SEMA3E: variants seen among roughly 807,000 people sequenced by gnomAD.
The protein encoded by SEMA3E is semaphorin-3E.
Under a neutral mutation model 93.6 loss-of-function variants are expected in SEMA3E, and 49 were observed. That is an observed-to-expected ratio of 0.52 (90% CI 0.42 to 0.66). The LOEUF (loss-of-function observed/expected upper bound fraction) is 0.66. Among genes scored for constraint, SEMA3E ranks in the 30% least tolerant of loss-of-function variants. The pLI is 0.00. For missense variants in SEMA3E, 906 were observed against 964.8 expected, an observed-to-expected ratio of 0.94 and a Z score of 0.81; for synonymous variants, 363 against 330.7, an observed-to-expected ratio of 1.10 and a Z score of -1.06.
At chr7:83,501,361 T>C (rs1237597924) in intron 1 of SEMA3E, among the ~76,000 whole-genome samples, 2 of 152,212 alleles carry the variant, frequency 1.3e-5, no homozygotes, top group Admixed American at 6.5e-5. Context: ...TTATCTCAAC[T>C]CAAAAATATC....
chr7:83,601,219 C>G (rs1792988602), intron 1 of SEMA3E, among the ~76,000 whole-genome samples: 1 of 152,132 alleles, frequency 6.6e-6, no homozygotes, highest in African/African-American at 2.4e-5. Context: ...ACCTCCAGAA[C>G]CATCAGATAA....
chr7:83,568,625 A>T (rs1792211927), intron 1 of SEMA3E, among the ~76,000 whole-genome samples: 1 of 152,186 alleles, frequency 6.6e-6, no homozygotes, highest in South Asian at 2.1e-4. Context: ...CACAAAAGCC[A>T]TGCTCATCTC....
At chr7:83,551,426 A>G (rs369094900) in intron 1 of SEMA3E, among the ~76,000 whole-genome samples, 2 of 152,178 alleles carry the variant, frequency 1.3e-5, no homozygotes, top group East Asian at 1.9e-4. Flanking sequence ...TACCAAACCA[A>G]GCAAAATCAA....
intron 4 of SEMA3E, among the ~76,000 whole-genome samples, chr7:83,459,343 A>G (rs944016932): frequency 2.6e-5 from 4 of 152,200 alleles, no homozygotes; most frequent in African/African-American, 9.6e-5. Flanking sequence ...TTCTATAACC[A>G]AGGAAAATTC....
intron 1 of SEMA3E, among the ~76,000 whole-genome samples, chr7:83,529,689 C>T (rs190312824): frequency 5.3e-4 from 80 of 152,188 alleles, no homozygotes; most frequent in South Asian, 1.0e-3. Flanking sequence ...AGACCCTAAC[C>T]AAGTGGCTGG....
At chr7:83,602,097 T>C (rs564809564) in intron 1 of SEMA3E, among the ~76,000 whole-genome samples, 1 of 152,296 alleles carries the variant, frequency 6.6e-6, no homozygotes, top group East Asian at 1.9e-4. Flanking sequence ...CTCTAAGTAG[T>C]GGAGACGATT....
chr7:83,408,414 T>C lies in SEMA3E; in HGVS notation c.624A>G (p.Arg208=), dbSNP rs752823371. The C allele has an allele frequency of 1.2e-6, 2 of 1,613,790 alleles. No homozygotes were observed. The highest frequency in any genetic ancestry group is 1.7e-6 in the Non-Finnish European group (2 of 1,179,832). ...CATGCTCAGTGCGGATATGGGCCAG[T>C]CGCCCCATGCTGCGGAAGATCGCAG... ...RDAAIFRSMG[R]LAHIRTEHDD... is the part of the protein sequence containing the mutation. The change falls in exon 6 of 17, where the codon CGA becomes CGG. Residue 208 remains arginine, a synonymous_variant. Transcript: ENST00000643230.
intron 1 of SEMA3E, among the ~76,000 whole-genome samples, chr7:83,518,370 GA>G (rs904595934): frequency 5.4e-5 from 8 of 148,864 alleles, no homozygotes; most frequent in East Asian, 2.0e-4. Context: ...GTGAGGAAAG[GA>G]AAAAAAAAAT....
At chr7:83,498,745 G>A (rs185783950) in intron 1 of SEMA3E, among the ~76,000 whole-genome samples, 4 of 152,096 alleles carry the variant, frequency 2.6e-5, no homozygotes, top group East Asian at 1.9e-4. Context: ...TCCCAAAGTC[G>A]TGGGATTACA....
intron 5 of SEMA3E, among the ~76,000 whole-genome samples, chr7:83,414,186 A>G (rs1202641190): frequency 1.3e-5 from 2 of 148,486 alleles, no homozygotes; most frequent in Non-Finnish European, 3.0e-5. Flanking sequence ...ACGAGGCAAC[A>G]CATTTGCTTA....
chr7:83,569,563 C>T (rs1792231226), intron 1 of SEMA3E, among the ~76,000 whole-genome samples: 2 of 152,048 alleles, frequency 1.3e-5, no homozygotes, highest in African/African-American at 4.8e-5. Flanking sequence ...AAACAGAAAA[C>T]AAAAGAGAGC....
At chr7:83,495,687 T>C (rs938501123) in intron 1 of SEMA3E, among the ~76,000 whole-genome samples, 1 of 151,860 alleles carries the variant, frequency 6.6e-6, no homozygotes, top group Non-Finnish European at 1.5e-5. Context: ...GAATAGGACA[T>C]CAAAGACGCA....
At chr7:83,519,958 T>G (rs1303362757) in intron 1 of SEMA3E, among the ~76,000 whole-genome samples, 3 of 152,144 alleles carry the variant, frequency 2.0e-5, no homozygotes, top group African/African-American at 7.2e-5. Flanking sequence ...CCCAAAACTT[T>G]TACTAGCTTC....
chr7:83,635,372 T>A (rs1793861729), intron 1 of SEMA3E, among the ~76,000 whole-genome samples: 1 of 151,916 alleles, frequency 6.6e-6, no homozygotes, highest in African/African-American at 2.4e-5. Flanking sequence ...TAGACTTCTT[T>A]TTATAGATTA....
intron 16 of SEMA3E, among the ~76,000 whole-genome samples, chr7:83,376,702 A>G (rs1248222427): frequency 1.3e-5 from 2 of 152,144 alleles, no homozygotes; most frequent in Middle Eastern, 3.4e-3. Context: ...TTAAAGTTTA[A>G]GAGTTTTTCT....
chr7:83,612,845 A>G (rs1261425004), intron 1 of SEMA3E, among the ~76,000 whole-genome samples: 4 of 152,146 alleles, frequency 2.6e-5, no homozygotes, highest in Non-Finnish European at 5.9e-5. Flanking sequence ...CATATGTTTT[A>G]TAACAGTTAA....
rs1167223047 is a variant in SEMA3E at position 83,366,209 on chromosome 7, A to G, written c.*1377T>C. The G allele has an allele frequency of 1.3e-5, 2 of 152,122 alleles. No homozygotes were observed. The highest frequency in any genetic ancestry group is 2.9e-5 in the Non-Finnish European group (2 of 67,944). 9.4% of individuals were successfully genotyped at this position (152,122 alleles called of 1,614,324 possible). On this transcript the variant is annotated 3_prime_UTR_variant, in exon 17 of 17. Transcript: ENST00000643230. The stretch of plus-strand genomic sequence containing the variant: ...ATTAATATCTAAATAAATGTTCATA[A>G]TGGTTCTCCTGTGTAATCCACTTGC...
At chr7:83,424,861 A>G in intron 4 of SEMA3E, 1 of 246,542 alleles carries the variant, frequency 4.1e-6, no homozygotes, top group Admixed American at 4.2e-5. Flanking sequence ...TGCTTTGAAG[A>G]TGGAGGAATG....
chr7:83,579,721 T>C (rs919882597), intron 1 of SEMA3E, among the ~76,000 whole-genome samples: 7 of 152,156 alleles, frequency 4.6e-5, no homozygotes, highest in African/African-American at 1.7e-4. Context: ...TTATTCTTTT[T>C]CTTTCTTCAT....
Sources: allele counts gnomAD v4.1 joint callset (sites outside exome capture counted in the v4.1 genomes callset), GRCh38; gene constraint gnomAD v4.1.1; transcripts MANE v1.5; gene names NCBI Gene and HGNC (gene_info 2026-07-23, HGNC 2026-07-21).